The following GLI4 variants were observed in gnomAD, a reference collection of about 807,000 sequenced individuals.
The protein encoded by GLI4 is GLI family zinc finger 4.
A neutral mutation model predicts 30.9 loss-of-function variants in GLI4; 34 were observed. The ratio of observed to expected loss-of-function variants is 1.10; its 90% confidence interval spans 0.84 to 1.47. GLI4 has a LOEUF of 1.47. Ranked by LOEUF, GLI4 falls within the 40% of genes most tolerant of loss-of-function variation. The pLI, the probability that GLI4 is intolerant of heterozygous loss-of-function variation, is 0.00. For missense variants in GLI4, 696 were observed against 538.9 expected (o/e 1.29, Z -2.89); for synonymous variants, 277 against 236.7 (o/e 1.17, Z -1.56).
chr8:143,276,467 A>G lies in GLI4; in HGVS notation c.794A>G (p.Lys265Arg). 1 of 1,613,080 alleles carries G rather than the reference A, an allele frequency of 6.2e-7. No homozygotes were observed. The highest frequency in any genetic ancestry group is 1.1e-5 in the South Asian group (1 of 91,062). ...TQHLRIHNGE[K>R]PYKCGECGQA... is the part of the protein sequence containing the mutation. ...CACCTGCGCATCCACAACGGCGAGA[A>G]GCCCTACAAGTGCGGCGAGTGCGGC... is the stretch of plus-strand genomic sequence containing the variant. Residue 265 changes from lysine (K) to arginine (R), a missense_variant, in exon 4 of 4, where the codon AAG (lysine) becomes AGG (arginine). Physicochemically the swap from Lys to Arg is conservative, Grantham distance 26 (BLOSUM62 2). Transcript: ENST00000340042.
intron 2 of GLI4, among the ~76,000 whole-genome samples, chr8:143,270,274 C>T (rs1260601849): frequency 6.6e-6 from 1 of 152,220 alleles, no homozygotes; most frequent in Non-Finnish European, 1.5e-5. Context: ...CTGAAGGGAC[C>T]ACTGAGGCTT....
intron 1 of GLI4, among the ~76,000 whole-genome samples, chr8:143,268,517 C>T (rs73717505): frequency 2.0e-3 from 304 of 152,306 alleles, no homozygotes; most frequent in African/African-American, 7.0e-3. Context: ...TCTCTGAGGG[C>T]TCTGTAGGGT....
In GLI4 at chr8:143,276,833, T is replaced by G; in HGVS notation, c.*29T>G. The stretch of plus-strand genomic sequence containing the variant: ...GGCGGGGGCTCGGGGCTCGGCCTCC[T>G]ACCTGCCCCCAACCCACCCTCCACC... On this transcript the variant is annotated 3_prime_UTR_variant, in exon 4 of 4. Transcript: ENST00000340042. 7.1e-7 allele frequency: 1 copy of G among 1,412,454 alleles called. No homozygotes were observed. Among genetic ancestry groups the G allele is most frequent in the South Asian group, 1.3e-5 (1 of 74,588 alleles). The allele number at this position is 1,412,454 out of a possible 1,614,324, so 87.5% of individuals were successfully genotyped here.
chr8:143,267,874 C>T (rs1815173126), intron 1 of GLI4: 1 of 985,362 alleles, frequency 1.0e-6, no homozygotes, highest in Admixed American at 6.1e-5. Context: ...CTGTGCCGAG[C>T]TCCCGGCGAT....
intron 1 of GLI4, chr8:143,267,943 T>C: frequency 1.0e-6 from 1 of 985,430 alleles, no homozygotes; most frequent in Middle Eastern, 5.2e-4. Flanking sequence ...CCCGAGCCGC[T>C]GGCAGGAGTG....
chr8:143,267,934 C>T (rs531984881), intron 1 of GLI4: 3 of 985,342 alleles, frequency 3.0e-6, no homozygotes, highest in African/African-American at 3.5e-5. Context: ...GATGCTTCCC[C>T]CGAGCCGCTG....
intron 1 of GLI4, chr8:143,267,882 G>T: frequency 1.0e-6 from 1 of 985,474 alleles, no homozygotes; most frequent in Non-Finnish European, 1.2e-6. Context: ...AGCTCCCGGC[G>T]ATTGGGTCCG....
intron 2 of GLI4, among the ~76,000 whole-genome samples, chr8:143,273,570 ACCGCAGCTGGGGCAGG>A (rs951589095): frequency 1.3e-5 from 2 of 151,734 alleles, no homozygotes; most frequent in African/African-American, 4.8e-5. Context: ...TGGTCACCCC[ACCGCAGCTGGGGCAGG>A]CCTGCCTGAG....
chr8:143,275,260 C>T, intron 3 of GLI4: 2 of 1,518,200 alleles, frequency 1.3e-6, no homozygotes, highest in Non-Finnish European at 1.8e-6. Context: ...TGAGAAGCTC[C>T]CAGGGTTCCC....
At chr8:143,273,415 C>G (rs1345915325) in intron 2 of GLI4, 1 of 152,368 alleles carries the variant, frequency 6.6e-6, no homozygotes, top group South Asian at 2.1e-4. Flanking sequence ...TGCTGAACTT[C>G]CCAGCCCTTC....
chr8:143,269,261 C>T, intron 1 of GLI4, 99 bp from the exon 2 acceptor site: 1 of 864,352 alleles, frequency 1.2e-6, no homozygotes. Context: ...GGATAAACCT[C>T]CATCTCCCCT....
rs1018131301 is a variant in GLI4, at chr8:143,269,257, A to T, written c.-37-103A>T. ...TCCTTGCTCCTCCTGGAGTGGATAA[A>T]CCTCCATCTCCCCTTGGAGAGCTGG... is the stretch of plus-strand genomic sequence containing the variant. On this transcript the variant is annotated intron_variant, in intron 1 of 3. Coordinates refer to ENST00000340042, the MANE Select transcript of GLI4 (RefSeq NM_138465.4). 32 of 833,390 alleles carry T rather than the reference A, an allele frequency of 3.8e-5. 1 individual carries two copies. The highest frequency in any genetic ancestry group is 6.2e-5 in the Non-Finnish European group (32 of 517,030). The allele number at this position is 833,390 out of a possible 1,614,324, so 51.6% of individuals were successfully genotyped here.
At chr8:143,273,591 C>T (rs1218470692) in intron 2 of GLI4, among the ~76,000 whole-genome samples, 1 of 151,788 alleles carries the variant, frequency 6.6e-6, no homozygotes, top group Non-Finnish European at 1.5e-5. Context: ...GGCAGGCCTG[C>T]CTGAGGCTGG....
intron 2 of GLI4, among the ~76,000 whole-genome samples, chr8:143,270,038 C>G (rs188791889): frequency 3.3e-4 from 51 of 152,346 alleles, no homozygotes; most frequent in Admixed American, 2.9e-3. Flanking sequence ...CCCATAGTGC[C>G]CCTGGCTCTA....
intron 3 of GLI4, 130 bp downstream of exon 3, chr8:143,274,932 A>G: frequency 6.8e-7 from 1 of 1,474,384 alleles, no homozygotes; most frequent in Non-Finnish European, 9.0e-7. Context: ...CTTCCCTGGC[A>G]TCAGCTCACC....
chr8:143,267,478 T>C lies in GLI4; in HGVS notation c.-44T>C. The stretch of plus-strand genomic sequence containing the variant: ...CCGGCGCGCGGCGTCCTCCTCCCGC[T>C]CGGAAGGTGAGTGGGCGCGGGCGGC... On this transcript the variant is annotated 5_prime_UTR_variant, in exon 1 of 4. Coordinates refer to ENST00000340042, the MANE Select transcript of GLI4 (RefSeq NM_138465.4). 1.0e-6 allele frequency: 1 copy of C among 985,028 alleles called. No homozygotes were observed. The highest frequency in any genetic ancestry group is 1.2e-6 in the Non-Finnish European group (1 of 830,116). The allele number at this position is 985,028 out of a possible 1,614,324, so 61.0% of individuals were successfully genotyped here.
Position 143,276,064 on chromosome 8 carries a change from C to T in GLI4, c.391C>T (p.Pro131Ser). ...SSAERPAGQP[P>S]GAVPCAQPRG... ...CGCGGAGCGGCCGGCGGGCCAGCCG[C>T]CTGGGGCCGTCCCTTGCGCCCAGCC... The change falls in exon 4 of 4, where the codon CCT becomes TCT. Residue 131 changes from proline to serine, a missense_variant. Physicochemically the swap from Pro to Ser is moderately conservative, Grantham distance 74 (BLOSUM62 -1). Coordinates refer to ENST00000340042, the MANE Select transcript of GLI4 (RefSeq NM_138465.4). The T allele has an allele frequency of 7.2e-7, 1 of 1,389,768 alleles. No homozygotes were observed. Among genetic ancestry groups the T allele is most frequent in the Non-Finnish European group, 9.2e-7 (1 of 1,082,190 alleles). The allele number at this position is 1,389,768 out of a possible 1,614,324, so 86.1% of individuals were successfully genotyped here.
chr8:143,268,678 C>T lies in GLI4; in HGVS notation c.-37-682C>T, dbSNP rs1815194617. Among the ~76,000 whole-genome samples, 2 of 152,276 alleles carry T rather than the reference C, an allele frequency of 1.3e-5. 1 individual carries two copies. Among genetic ancestry groups the T allele is most frequent in the South Asian group, 4.1e-4 (2 of 4,838 alleles). Reference sequence around the variant, plus strand: ...CAGCAGCTGAGGTTTTTCTGGAAGACTCCCTATGCCTTTCTCTGGGGGAGG... The same window carrying T: ...CAGCAGCTGAGGTTTTTCTGGAAGATTCCCTATGCCTTTCTCTGGGGGAGG... On this transcript the variant is annotated intron_variant, in intron 1 of 3. Coordinates refer to ENST00000340042, the MANE Select transcript of GLI4 (RefSeq NM_138465.4).
chr8:143,276,472 TACAAGTGCG>T lies in GLI4; in HGVS notation c.800_808del (p.Tyr267_Gly270delinsCys), dbSNP rs778747315. 1.9e-6 allele frequency: 3 copies of T among 1,612,596 alleles called. No homozygotes were observed. The highest frequency in any genetic ancestry group is 2.2e-5 in the South Asian group (2 of 91,028). On this transcript the variant is annotated inframe_deletion, in exon 4 of 4. Transcript: ENST00000340042. Reference sequence around the variant, plus strand: ...GCGCATCCACAACGGCGAGAAGCCCTACAAGTGCGGCGAGTGCGGCCAGGCCTTCAGCCA... The same window carrying T: ...GCGCATCCACAACGGCGAGAAGCCCTGCGAGTGCGGCCAGGCCTTCAGCCA...
Sources: allele counts gnomAD v4.1 joint callset (sites outside exome capture counted in the v4.1 genomes callset), GRCh38; gene constraint gnomAD v4.1.1; transcripts MANE v1.5; gene names NCBI Gene and HGNC (gene_info 2026-07-23, HGNC 2026-07-21).